FUNDC2: variants seen among roughly 807,000 people sequenced by gnomAD.
The protein encoded by FUNDC2 is FUN14 domain-containing protein 2.
Under a neutral mutation model 15.6 loss-of-function variants are expected in FUNDC2, and 4 were observed. That is an observed-to-expected ratio of 0.26 (90% CI 0.13 to 0.59). The LOEUF is 0.59. FUNDC2 is among the 20% of genes least tolerant of loss of function. The pLI, the probability that FUNDC2 is intolerant of heterozygous loss-of-function variation, is 0.90. For missense variants in FUNDC2, 98 were observed against 149.7 expected (o/e 0.65, Z 1.80); for synonymous variants, 44 against 56.9 (o/e 0.77, Z 1.02).
In FUNDC2 at chrX:155,060,094, C is replaced by T. The variant is rs2073921551; in HGVS notation, c.*5422C>T. 8.9e-6 allele frequency: 1 copy of T among 111,934 alleles called. No individual in the cohort carries two copies. Among genetic ancestry groups the T allele is most frequent in the South Asian group, 3.7e-4 (1 of 2,699 alleles). 9.2% of individuals were successfully genotyped at this position (111,934 alleles called of 1,213,427 possible). ...CTTTTTATAGCAATGCAACAATGGA[C>T]TAATACATATACTTTAGCATAAAAA... On this transcript the variant is annotated 3_prime_UTR_variant, in exon 5 of 5. Coordinates refer to ENST00000369498, the MANE Select transcript of FUNDC2 (RefSeq NM_023934.4).
rs1460270168 is a variant in FUNDC2 at position 155,056,203 on chromosome X, CCT to C, written c.*1532_*1533del. On this transcript the variant is annotated 3_prime_UTR_variant, in exon 5 of 5. Transcript: ENST00000369498. ...GTAGAGAATATAGTACAATAATCCC[CCT>C]GTGTATCTATCACTCACTCACAACA... 1.8e-5 allele frequency: 2 copies of C among 111,764 alleles called. No individual in the cohort carries two copies. The highest frequency in any genetic ancestry group is 6.5e-5 in the African/African-American group (2 of 30,715). The allele number at this position is 111,764 out of a possible 1,213,427, so 9.2% of individuals were successfully genotyped here.
rs1303071629 is a variant in FUNDC2 at position 155,030,370 on chromosome X, A to G, written c.134-3033A>G. Among the ~76,000 whole-genome samples the G allele has an allele frequency of 2.9e-5, 3 of 103,512 alleles. No homozygotes were observed. The East Asian group carries it at 9.0e-4, about 31-fold the overall frequency. 89.9% of individuals were successfully genotyped at this position (103,512 alleles called of 115,157 possible). A position where few individuals can be genotyped will look rare whatever the true frequency, so the allele number is the denominator to read the frequency against. On this transcript the variant is annotated intron_variant, in intron 1 of 4. Coordinates refer to ENST00000369498, the MANE Select transcript of FUNDC2 (RefSeq NM_023934.4). Reference sequence around the variant, plus strand: ...ACAAAGTGAGACCTCCTGTCTACAAAAAAAAAAAAAAAAAAAAAAAAATCA... The same window carrying G: ...ACAAAGTGAGACCTCCTGTCTACAAGAAAAAAAAAAAAAAAAAAAAAATCA...
chrX:155,054,883 C>G lies in FUNDC2; in HGVS notation c.*211C>G. The G allele has an allele frequency of 2.5e-6, 1 of 406,735 alleles. No homozygotes were observed. The highest frequency in any genetic ancestry group is 3.9e-5 in the East Asian group (1 of 25,930). 33.5% of individuals were successfully genotyped at this position (406,735 alleles called of 1,213,427 possible). A position where few individuals can be genotyped will look rare whatever the true frequency, so the allele number is the denominator to read the frequency against. On this transcript the variant is annotated 3_prime_UTR_variant, in exon 5 of 5. Coordinates refer to ENST00000369498, the MANE Select transcript of FUNDC2 (RefSeq NM_023934.4). ...GAAGAGACAATAGTCCTTAGCTCTC[C>G]TCCCAGTACACCCCCTACTTGGCCA...
chrX:155,047,391 G>T, intron 3 of FUNDC2: 1 of 342,418 alleles, frequency 2.9e-6, no homozygotes, highest in Non-Finnish European at 5.9e-6. Flanking sequence ...ACTTTTGCAA[G>T]GTAAGTTCTG....
chrX:155,028,004 G>T (rs1208343527), intron 1 of FUNDC2, among the ~76,000 whole-genome samples: 1 of 87,347 alleles, frequency 1.1e-5, no homozygotes, highest in Admixed American at 1.2e-4. Flanking sequence ...CTCTGGGAAG[G>T]TGGAATGTGC....
intron 2 of FUNDC2, among the ~76,000 whole-genome samples, chrX:155,043,345 C>G: frequency 8.9e-6 from 1 of 112,269 alleles, no homozygotes; most frequent in East Asian, 2.8e-4. Flanking sequence ...ACTTTTAATG[C>G]TTTTGTCTAC....
chrX:155,039,282 A>C lies in FUNDC2; in HGVS notation c.284+5729A>C, dbSNP rs782305733. Among the ~76,000 whole-genome samples the C allele has an allele frequency of 2.7e-5, 3 of 112,161 alleles. No homozygotes were observed. The East Asian group carries it at 8.3e-4, about 31-fold the overall frequency. On this transcript the variant is annotated intron_variant, in intron 2 of 4. Transcript: ENST00000369498. Reference sequence around the variant, plus strand: ...CTCTTATCAGATATATGCTTTGCAAATATTTTCTCCCATTCTTTAGGTTGT... The same window carrying C: ...CTCTTATCAGATATATGCTTTGCAACTATTTTCTCCCATTCTTTAGGTTGT...
At position 155,059,801 on chromosome X, in the gene FUNDC2, G is replaced by A. The variant is rs1014933281; in HGVS notation, c.*5129G>A. ...CTAATGGAGGTGGATCCTGGTGAGA[G>A]GTGATTGGATCGTGGGGGCCATCCC... On this transcript the variant is annotated 3_prime_UTR_variant, in exon 5 of 5. Coordinates refer to ENST00000369498, the MANE Select transcript of FUNDC2 (RefSeq NM_023934.4). The A allele has an allele frequency of 1.8e-5, 2 of 112,007 alleles. No homozygotes were observed. Among genetic ancestry groups the A allele is most frequent in the Admixed American group, 9.4e-5 (1 of 10,602 alleles). 9.2% of individuals were successfully genotyped at this position (112,007 alleles called of 1,213,427 possible). A position where few individuals can be genotyped will look rare whatever the true frequency, so the allele number is the denominator to read the frequency against.
intron 2 of FUNDC2, among the ~76,000 whole-genome samples, chrX:155,040,576 C>T (rs1161636037): frequency 1.8e-5 from 2 of 112,235 alleles, no homozygotes; most frequent in Non-Finnish European, 3.8e-5. Context: ...TTTGTTCATC[C>T]AGACATCTGT....
chrX:155,057,034 CCTCATCCTGCTAGTATGAG>C lies in FUNDC2; in HGVS notation c.*2363_*2381del, dbSNP rs2073906123. The C allele has an allele frequency of 3.0e-5, 3 of 100,540 alleles. No individual in the cohort carries two copies. Among genetic ancestry groups the C allele is most frequent in the Non-Finnish European group, 6.2e-5 (3 of 48,563 alleles). The allele number at this position is 100,540 out of a possible 1,213,427, so 8.3% of individuals were successfully genotyped here. A position where few individuals can be genotyped will look rare whatever the true frequency, so the allele number is the denominator to read the frequency against. ...GGTTGAGGTCAGTATTGCAGGTTGG[CCTCATCCTGCTAGTATGAG>C]AACGGCTGTGAGTTCTGCCCACGGT... is the stretch of plus-strand genomic sequence containing the variant. On this transcript the variant is annotated 3_prime_UTR_variant, in exon 5 of 5. Transcript: ENST00000369498.
At chrX:155,037,822 T>C (rs1328458756) in intron 2 of FUNDC2, among the ~76,000 whole-genome samples, 1 of 111,637 alleles carries the variant, frequency 9.0e-6, no homozygotes, top group Non-Finnish European at 1.9e-5. Flanking sequence ...GTAGGTTCCA[T>C]ATAGGTGGTT....
Position 155,054,636 on chromosome X carries a change from A to G in FUNDC2, c.534A>G (p.Gly178=). The G allele has an allele frequency of 8.3e-7, 1 of 1,210,252 alleles. No individual in the cohort carries two copies. Among genetic ancestry groups the G allele is most frequent in the African/African-American group, 1.7e-5 (1 of 57,423 alleles). The change falls in exon 5 of 5, where the codon GGA becomes GGG. Residue 178 remains glycine, a synonymous_variant. Coordinates refer to ENST00000369498, the MANE Select transcript of FUNDC2 (RefSeq NM_023934.4). ...FVKKNVLVTG[G]FFGGFLLGMA... is the part of the protein sequence containing the mutation. The stretch of plus-strand genomic sequence containing the variant: ...AGAAGAATGTTCTAGTAACTGGGGG[A>G]TTTTTCGGAGGCTTTCTGCTTGGCA...
intron 4 of FUNDC2, among the ~76,000 whole-genome samples, chrX:155,053,608 G>A (rs904174454): frequency 2.7e-5 from 3 of 111,359 alleles, no homozygotes; most frequent in Non-Finnish European, 3.8e-5. Flanking sequence ...GTGGAAATGA[G>A]GCAGGAAGAC....
intron 2 of FUNDC2, among the ~76,000 whole-genome samples, chrX:155,036,371 C>T (rs1417148327): frequency 8.9e-6 from 1 of 112,069 alleles, no homozygotes; most frequent in Non-Finnish European, 1.9e-5. Context: ...GGTTTTCTTT[C>T]ACTGCTGAAT....
chrX:155,058,568 G>T lies in FUNDC2; in HGVS notation c.*3896G>T, dbSNP rs2073916845. 1 of 109,684 alleles carries T rather than the reference G, an allele frequency of 9.1e-6. No individual in the cohort carries two copies. Among genetic ancestry groups the T allele is most frequent in the South Asian group, 4.0e-4 (1 of 2,474 alleles). The allele number at this position is 109,684 out of a possible 1,213,427, so 9.0% of individuals were successfully genotyped here. ...AGTTTTGGACCCCAGAGAAAAATGT[G>T]GCTGCTGCCCTCTACTCCCTCTACC... On this transcript the variant is annotated 3_prime_UTR_variant, in exon 5 of 5. Transcript: ENST00000369498.
chrX:155,030,246 C>G (rs892547356), intron 1 of FUNDC2, among the ~76,000 whole-genome samples: 5 of 107,731 alleles, frequency 4.6e-5, no homozygotes, highest in African/African-American at 1.7e-4. Flanking sequence ...AACTCCAGTA[C>G]AGTGCTGGGC....
intron 4 of FUNDC2, chrX:155,054,112 T>G (rs1457408169): frequency 1.3e-6 from 1 of 750,414 alleles, no homozygotes; most frequent in Non-Finnish European, 1.6e-6. Flanking sequence ...GGAGCAGGTT[T>G]CAGGGGGGAA....
In FUNDC2 at chrX:155,050,415, G is replaced by A. The variant is rs190722391; in HGVS notation, c.361-1255G>A. 1.3e-4 allele frequency: 14 copies of A among 111,742 alleles called. No individual in the cohort carries two copies. In the East Asian group the frequency reaches 1.4e-3, roughly 11 times the overall value. 9.2% of individuals were successfully genotyped at this position (111,742 alleles called of 1,213,427 possible). On this transcript the variant is annotated intron_variant, in intron 3 of 4. Coordinates refer to ENST00000369498, the MANE Select transcript of FUNDC2 (RefSeq NM_023934.4). ...AATTCTGGTCTTCTCCAATCTGCAC[G>A]TCGCTGTTTTTATGTAAGAGCCTTC...
Position 155,059,230 on chromosome X carries a change from T to C in FUNDC2, c.*4558T>C, listed in dbSNP as rs1034635544. On this transcript the variant is annotated 3_prime_UTR_variant, in exon 5 of 5. Coordinates refer to ENST00000369498, the MANE Select transcript of FUNDC2 (RefSeq NM_023934.4). ...ATATTAAGTGCCATACAACTTCAGA[T>C]GCCTTCTGAATACTGAACACAAGTG... The C allele has an allele frequency of 8.9e-6, 1 of 112,514 alleles. No individual in the cohort carries two copies. The highest frequency in any genetic ancestry group is 9.4e-5 in the Admixed American group (1 of 10,659). 9.3% of individuals were successfully genotyped at this position (112,514 alleles called of 1,213,427 possible).
Sources: gnomAD v4.1 joint callset for allele counts (sites outside exome capture counted in the v4.1 genomes callset) on GRCh38, gnomAD v4.1.1 for gene constraint, MANE v1.5 for transcripts, NCBI Gene and HGNC (gene_info 2026-07-23, HGNC 2026-07-21) for gene names.